WDPCP: variants seen among roughly 807,000 people sequenced by gnomAD.
The protein encoded by WDPCP is WD repeat-containing and planar cell polarity effector protein fritz homolog.
In WDPCP, 71 loss-of-function variants were observed where a neutral mutation model predicts 93.1. That is an observed-to-expected ratio of 0.76 (90% CI 0.63 to 0.93). WDPCP has a LOEUF of 0.93. Among genes scored for constraint, WDPCP ranks in the 40% least tolerant of loss-of-function variants. WDPCP has a pLI of 0.00. For missense variants in WDPCP, 844 were observed against 887.4 expected, an observed-to-expected ratio of 0.95 and a Z score of 0.62; for synonymous variants, 315 against 315.0, an observed-to-expected ratio of 1.00 and a Z score of 0.00.
At chr2:63,787,850 G>C (rs959571000) in intron 2 of WDPCP, among the ~76,000 whole-genome samples, 1 of 151,968 alleles carries the variant, frequency 6.6e-6, no homozygotes, top group Non-Finnish European at 1.5e-5. Flanking sequence ...GACCAGCCTG[G>C]CTAACATGGT....
At chr2:63,374,469 A>G (rs1221561170) in intron 12 of WDPCP, among the ~76,000 whole-genome samples, 5 of 152,134 alleles carry the variant, frequency 3.3e-5, no homozygotes, top group African/African-American at 1.2e-4. Flanking sequence ...GAATGTTCTT[A>G]GGTTAACTTT....
intron 15 of WDPCP, among the ~76,000 whole-genome samples, chr2:63,168,180 C>T (rs1354751169): frequency 6.7e-6 from 1 of 149,590 alleles, no homozygotes; most frequent in Non-Finnish European, 1.5e-5. Flanking sequence ...TATCTCCTTG[C>T]ATCTTTTATA....
intron 2 of WDPCP, among the ~76,000 whole-genome samples, chr2:63,715,794 G>A (rs1168856697): frequency 6.6e-6 from 1 of 152,208 alleles, no homozygotes; most frequent in Non-Finnish European, 1.5e-5. Context: ...ATCAGGAGGT[G>A]TCAGGATTGC....
chr2:63,228,068 T>C (rs1040126067), intron 14 of WDPCP, among the ~76,000 whole-genome samples: 1 of 152,128 alleles, frequency 6.6e-6, no homozygotes, highest in Admixed American at 6.6e-5. Context: ...GAAGAAGTTT[T>C]AGAAGGCTCA....
intron 3 of WDPCP, among the ~76,000 whole-genome samples, chr2:63,628,069 C>T (rs1047293738): frequency 3.9e-5 from 6 of 152,180 alleles, no homozygotes; most frequent in African/African-American, 1.4e-4. Flanking sequence ...TGGCACCCGC[C>T]CACCTGCGTG....
intron 13 of WDPCP, among the ~76,000 whole-genome samples, chr2:63,293,052 A>G (rs1195681268): frequency 6.6e-6 from 1 of 152,180 alleles, no homozygotes; most frequent in Non-Finnish European, 1.5e-5. Flanking sequence ...GCAGAGGTGC[A>G]GACAGGGAGG....
intron 14 of WDPCP, among the ~76,000 whole-genome samples, chr2:63,226,260 A>G (rs1231966474): frequency 1.3e-5 from 2 of 151,908 alleles, no homozygotes; most frequent in African/African-American, 2.4e-5. Flanking sequence ...TGTCTGCTGG[A>G]AGGGACTCTA....
At chr2:63,837,637 C>G in the WDPCP span, among the ~76,000 whole-genome samples, 1 of 152,212 alleles carries the variant, frequency 6.6e-6, no homozygotes, top group Admixed American at 6.5e-5. Flanking sequence ...TACACCACTC[C>G]TTATTAGATA....
At position 63,295,220 on chromosome 2, in the gene WDPCP, A is replaced by G. The variant is rs118086774; in HGVS notation, c.1812+18028T>C. Among the ~76,000 whole-genome samples, 119 of 152,302 alleles carry G rather than the reference A, an allele frequency of 7.8e-4. 1 individual carries two copies. The East Asian group carries it at 0.018, about 23-fold the overall frequency. On this transcript the variant is annotated intron_variant, in intron 13 of 17. Coordinates refer to ENST00000272321, the MANE Select transcript of WDPCP (RefSeq NM_015910.7). ...AAACAATCACCCAAACATGAAAAAG[A>G]CAGTCATCCAGGAAATGAGGGACAA...
At chr2:63,583,719 A>C (rs1341411644) in intron 1 of WDPCP, among the ~76,000 whole-genome samples, 1 of 151,986 alleles carries the variant, frequency 6.6e-6, no homozygotes, top group Non-Finnish European at 1.5e-5. Flanking sequence ...AAATGTAAAT[A>C]GTTATTTTAG....
intron 14 of WDPCP, among the ~76,000 whole-genome samples, chr2:63,254,525 T>A (rs1680983117): frequency 6.6e-6 from 1 of 152,096 alleles, no homozygotes; most frequent in South Asian, 2.1e-4. Flanking sequence ...CTTTAAAAAT[T>A]AAACTTTTAA....
At chr2:63,396,434 CTT>C (rs1230650171) in intron 10 of WDPCP, among the ~76,000 whole-genome samples, 1 of 152,178 alleles carries the variant, frequency 6.6e-6, no homozygotes, top group Non-Finnish European at 1.5e-5. Flanking sequence ...TTAATTACCT[CTT>C]GTTTAACATC....
At chr2:63,313,794 T>G (rs1232058575) in intron 12 of WDPCP, among the ~76,000 whole-genome samples, 2 of 150,882 alleles carry the variant, frequency 1.3e-5, no homozygotes, top group South Asian at 2.1e-4. Context: ...ATGCATTCAC[T>G]GCAGTTTTGC....
chr2:63,128,931 G>C (rs1324385148), intron 17 of WDPCP, among the ~76,000 whole-genome samples: 1 of 152,210 alleles, frequency 6.6e-6, no homozygotes, highest in East Asian at 1.9e-4. Context: ...GCCTCTGAAA[G>C]TGCTGGGATT....
intron 2 of WDPCP, among the ~76,000 whole-genome samples, chr2:63,739,259 T>C (rs182802641): frequency 2.6e-5 from 4 of 152,264 alleles, no homozygotes; most frequent in African/African-American, 7.2e-5. Context: ...CTCCCACTTA[T>C]AAGTAAGAAC....
chr2:63,761,810 G>T (rs1670059402), intron 2 of WDPCP, among the ~76,000 whole-genome samples: 1 of 152,096 alleles, frequency 6.6e-6, no homozygotes, highest in South Asian at 2.1e-4. Flanking sequence ...GACACACCCA[G>T]GATCAATACT....
chr2:63,760,017 G>A (rs894630009), intron 2 of WDPCP, among the ~76,000 whole-genome samples: 1 of 152,204 alleles, frequency 6.6e-6, no homozygotes, highest in Non-Finnish European at 1.5e-5. Context: ...GAGTCTCTGG[G>A]CTTCAGGGAA....
At chr2:63,345,507 G>C (rs1353018974) in intron 12 of WDPCP, among the ~76,000 whole-genome samples, 1 of 152,276 alleles carries the variant, frequency 6.6e-6, no homozygotes, top group African/African-American at 2.4e-5. Context: ...GTGAAAGACT[G>C]AGTGCTATTT....
intron 13 of WDPCP, among the ~76,000 whole-genome samples, chr2:63,297,402 C>T (rs1684953232): frequency 6.6e-6 from 1 of 152,110 alleles, no homozygotes; most frequent in African/African-American, 2.4e-5. Context: ...GGATCATTCT[C>T]AGGGTATACT....
Sources: allele counts gnomAD v4.1 joint callset (sites outside exome capture counted in the v4.1 genomes callset), GRCh38; gene constraint gnomAD v4.1.1; transcripts MANE v1.5; gene names NCBI Gene and HGNC (gene_info 2026-07-23, HGNC 2026-07-21).